PIK3C3: variants seen among roughly 807,000 people sequenced by gnomAD.
PIK3C3 encodes the protein phosphatidylinositol 3-kinase catalytic subunit type 3.
A neutral mutation model predicts 126.1 loss-of-function variants in PIK3C3; 95 were observed. The observed-to-expected ratio is 0.75, with a 90% CI of 0.64 to 0.89. The LOEUF (loss-of-function observed/expected upper bound fraction) is 0.89. PIK3C3 is among the 40% of genes least tolerant of loss of function. The pLI, the probability that PIK3C3 is intolerant of heterozygous loss-of-function variation, is 0.00. For missense variants in PIK3C3, 829 were observed against 1,063.2 expected, an observed-to-expected ratio of 0.78 and a Z score of 3.06; for synonymous variants, 374 against 360.0, an observed-to-expected ratio of 1.04 and a Z score of -0.44.
intron 9 of PIK3C3, among the ~76,000 whole-genome samples, chr18:42,000,116 T>C (rs767880488): frequency 2.0e-5 from 3 of 152,188 alleles, no homozygotes; most frequent in African/African-American, 7.2e-5. Context: ...TGCAATGGCA[T>C]GATCTCGGCT....
chr18:42,068,895 A>C (rs1307536017), intron 24 of PIK3C3, among the ~76,000 whole-genome samples: 2 of 147,946 alleles, frequency 1.4e-5, no homozygotes, highest in East Asian at 4.1e-4. Flanking sequence ...GGTTGCGGTG[A>C]GCTGAGATTG....
At chr18:42,080,658 G>A (rs1986215802) in intron 24 of PIK3C3, among the ~76,000 whole-genome samples, 1 of 152,164 alleles carries the variant, frequency 6.6e-6, no homozygotes, top group East Asian at 1.9e-4. Flanking sequence ...TAGGCCTCTC[G>A]ACTTCTTCCT....
intron 13 of PIK3C3, among the ~76,000 whole-genome samples, chr18:42,021,121 G>A (rs1983302594): frequency 6.6e-6 from 1 of 152,192 alleles, no homozygotes; most frequent in Non-Finnish European, 1.5e-5. Flanking sequence ...TGAGGAAACT[G>A]AGGCAGAGGC....
intron 3 of PIK3C3, among the ~76,000 whole-genome samples, chr18:41,963,826 CT>C (rs71370022): frequency 0.25 from 33,484 of 133,972 alleles, 3,878 homozygotes; most frequent in South Asian, 0.4. Flanking sequence ...AAATTCTTTG[CT>C]TTTTTTTTTT....
At chr18:42,043,447 T>C (rs773810366) in intron 19 of PIK3C3, among the ~76,000 whole-genome samples, 6 of 152,118 alleles carry the variant, frequency 3.9e-5, no homozygotes, top group Non-Finnish European at 7.3e-5. Context: ...ATATGCTCTG[T>C]GGTTTTGTTT....
intron 19 of PIK3C3, among the ~76,000 whole-genome samples, chr18:42,041,268 A>G (rs1984305454): frequency 6.6e-6 from 1 of 152,106 alleles, no homozygotes; most frequent in Non-Finnish European, 1.5e-5. Context: ...CTTGCATTAT[A>G]TTCCAAAGTA....
rs1986421827 is a variant in PIK3C3, at chr18:42,087,444, T to C, written c.*6307T>C. 1 of 152,196 alleles carries C rather than the reference T, an allele frequency of 6.6e-6. No homozygotes were observed. The highest frequency in any genetic ancestry group is 2.4e-5 in the African/African-American group (1 of 41,440). The allele number at this position is 152,196 out of a possible 1,614,324, so 9.4% of individuals were successfully genotyped here. Reference sequence around the variant, plus strand: ...GATTGGGTCCATCTTGTGTAACACGTGGCTGGCAGAGAAGGGAAGATGAAG... The same window carrying C: ...GATTGGGTCCATCTTGTGTAACACGCGGCTGGCAGAGAAGGGAAGATGAAG... On this transcript the variant is annotated 3_prime_UTR_variant, in exon 25 of 25. Transcript: ENST00000262039.
chr18:42,015,481 A>G lies in PIK3C3; in HGVS notation c.1331A>G (p.Gln444Arg). ...CTCTTTTATTACTTTTTCAGCTCCC[A>G]AATTATAACCAGCCCCCTTCCTTCA... is the stretch of plus-strand genomic sequence containing the variant. ...GINSAEIDSS[Q>R]IITSPLPSVS... The change falls in exon 12 of 25, where the codon CAA (glutamine) becomes CGA (arginine). Residue 444 changes from glutamine (Q) to arginine (R), a missense_variant. This residue lies in a region of PIK3C3 where 256 missense variants were observed against 291.0 expected (regional missense o/e 0.88). Transcript: ENST00000262039. 6.2e-7 allele frequency: 1 copy of G among 1,613,132 alleles called. No homozygotes were observed. Among genetic ancestry groups the G allele is most frequent in the Non-Finnish European group, 8.5e-7 (1 of 1,179,426 alleles).
intron 19 of PIK3C3, among the ~76,000 whole-genome samples, chr18:42,043,283 G>A (rs1166099192): frequency 6.6e-6 from 1 of 151,908 alleles, no homozygotes; most frequent in Middle Eastern, 3.2e-3. Flanking sequence ...AGTAGAGACT[G>A]GGTTTCACCA....
chr18:42,017,985 T>TTATATA (rs5824389), intron 12 of PIK3C3, among the ~76,000 whole-genome samples: 1 of 151,068 alleles, frequency 6.6e-6, no homozygotes, highest in Non-Finnish European at 1.5e-5. Context: ...CTATACTTTC[T>TTATATA]TATATATATA....
At chr18:42,058,960 G>A (rs1288555582) in intron 22 of PIK3C3, among the ~76,000 whole-genome samples, 3 of 152,162 alleles carry the variant, frequency 2.0e-5, no homozygotes, top group African/African-American at 4.8e-5. Context: ...GTGCACATGG[G>A]TTCTGTTTCC....
Position 41,990,455 on chromosome 18 carries a change from TC to T in PIK3C3, c.619-3del. ...TTTTTCATGAAAATCATTTTTTTTT[TC>T]AGAGTGAAAAACGAAGTTCTAATTT... On this transcript the variant is annotated splice_region_variant and splice_polypyrimidine_tract_variant and intron_variant, in intron 5 of 24. Transcript: ENST00000262039. 6.6e-7 allele frequency: 1 copy of T among 1,514,554 alleles called. No individual in the cohort carries two copies. Among genetic ancestry groups the T allele is most frequent in the Non-Finnish European group, 9.2e-7 (1 of 1,091,162 alleles). 93.8% of individuals were successfully genotyped at this position (1,514,554 alleles called of 1,614,324 possible).
chr18:42,037,920 C>A (rs939445353), intron 17 of PIK3C3, 100 bp downstream of exon 17: 3 of 1,116,648 alleles, frequency 2.7e-6, no homozygotes, highest in Non-Finnish European at 2.6e-6. Flanking sequence ...TTGTAACATT[C>A]AGGTACGATC....
chr18:42,063,896 C>T (rs1054703755), intron 22 of PIK3C3, among the ~76,000 whole-genome samples: 1 of 152,146 alleles, frequency 6.6e-6, no homozygotes, highest in Non-Finnish European at 1.5e-5. Context: ...CCAACGCTTT[C>T]CTTACATCCA....
At chr18:42,035,682 G>A (rs1478620562) in intron 16 of PIK3C3, among the ~76,000 whole-genome samples, 2 of 151,938 alleles carry the variant, frequency 1.3e-5, no homozygotes, top group East Asian at 3.9e-4. Context: ...GCTCATGGAT[G>A]TCTTTGAGAA....
chr18:42,016,034 A>G (rs1983059350), intron 12 of PIK3C3, among the ~76,000 whole-genome samples: 1 of 152,144 alleles, frequency 6.6e-6, no homozygotes, highest in Non-Finnish European at 1.5e-5. Context: ...AGTACTTTGG[A>G]AAGTGCATTG....
At chr18:42,065,537 A>G (rs111879909) in intron 23 of PIK3C3, among the ~76,000 whole-genome samples, 1,647 of 152,368 alleles carry the variant, frequency 0.011, 29 homozygotes, top group African/African-American at 0.038. Flanking sequence ...ATAAATCAAT[A>G]GAAATTATTT....
intron 2 of PIK3C3, 52 bp downstream of exon 2, chr18:41,957,810 T>G (rs765710950): frequency 1.0e-5 from 14 of 1,346,724 alleles, no homozygotes; most frequent in Non-Finnish European, 1.3e-5. Context: ...TACCTTTCTT[T>G]ATGGATGCTG....
At chr18:41,966,059 TAGAG>T (rs898617469) in intron 3 of PIK3C3, among the ~76,000 whole-genome samples, 1 of 152,208 alleles carries the variant, frequency 6.6e-6, no homozygotes. Context: ...TGAAACCTGT[TAGAG>T]AGAAGCACTG....
Sources: allele counts gnomAD v4.1 joint callset (sites outside exome capture counted in the v4.1 genomes callset), GRCh38; gene constraint gnomAD v4.1.1; regional missense constraint gnomAD v4.1.1; transcripts MANE v1.5; gene names NCBI Gene and HGNC (gene_info 2026-07-23, HGNC 2026-07-21).